The following EN2 variants were observed in gnomAD, a reference collection of about 807,000 sequenced individuals.
The protein encoded by EN2 is homeobox protein engrailed-2.
In EN2, 7 loss-of-function variants were observed where a neutral mutation model predicts 25.0. The observed-to-expected ratio is 0.28, with a 90% CI of 0.16 to 0.53. The LOEUF is 0.53. EN2 is among the 20% of genes least tolerant of loss of function. EN2 has a pLI of 0.96. For missense variants in EN2, 524 were observed against 501.8 expected (o/e 1.04, Z -0.42); for synonymous variants, 277 against 243.3 (o/e 1.14, Z -1.29).
Position 155,458,510 on chromosome 7 carries a change from C to G in EN2, c.133C>G (p.Arg45Gly). 7.5e-7 allele frequency: 1 copy of G among 1,329,070 alleles called. No individual in the cohort carries two copies. The highest frequency in any genetic ancestry group is 9.6e-7 in the Non-Finnish European group (1 of 1,038,524). 82.3% of individuals were successfully genotyped at this position (1,329,070 alleles called of 1,614,324 possible). ...CCCGGGCGAAGCGGACACCGGGCGC[C>G]GGCGGGCTCTGATGCTGCCCGCGGT... ...SSPGEADTGR[R>G]RALMLPAVLQ... The change falls in exon 1 of 2, where the codon CGG becomes GGG. Residue 45 changes from arginine to glycine, a missense_variant. Transcript: ENST00000297375.
At position 155,462,445 on chromosome 7, in the gene EN2, G is replaced by C; in HGVS notation, c.760G>C (p.Glu254Gln). 1.2e-6 allele frequency: 2 copies of C among 1,614,100 alleles called. No individual in the cohort carries two copies. Among genetic ancestry groups the C allele is most frequent in the Non-Finnish European group, 1.7e-6 (2 of 1,180,044 alleles). ...DKRPRTAFTA[E>Q]QLQRLKAEFQ... ...GCGGCCGCGCACGGCCTTTACCGCCGAGCAGCTGCAGAGGCTCAAGGCCGA... is the reference window on the plus strand; with the variant it reads ...GCGGCCGCGCACGGCCTTTACCGCCCAGCAGCTGCAGAGGCTCAAGGCCGA... Residue 254 changes from glutamate (E) to glutamine (Q), a missense_variant, in exon 2 of 2, where the codon GAG becomes CAG. Coordinates refer to ENST00000297375, the MANE Select transcript of EN2 (RefSeq NM_001427.4).
intron 1 of EN2, 108 bp downstream of exon 1, chr7:155,459,170 C>A: frequency 8.4e-7 from 1 of 1,185,346 alleles, no homozygotes. Context: ...TCGAACCTCC[C>A]CCGCGCACAC....
At chr7:155,459,224 G>A (rs943621435) in intron 1 of EN2, among the ~76,000 whole-genome samples, 162 bp downstream of exon 1, 1 of 152,228 alleles carries the variant, frequency 6.6e-6, no homozygotes, top group African/African-American at 2.4e-5. Context: ...ACGCCGGCCC[G>A]GGCAGCGGCC....
In EN2 at chr7:155,462,672, G is replaced by C. The variant is rs374787499; in HGVS notation, c.987G>C (p.Lys329Asn). 2.3e-5 allele frequency: 37 copies of C among 1,587,208 alleles called. No homozygotes were observed. The African/African-American group carries it at 4.4e-4, about 19-fold the overall frequency. Residue 329 changes from lysine (K) to asparagine (N), a missense_variant, in exon 2 of 2, where the codon AAG becomes AAC. Physicochemically the swap from Lys to Asn is moderately conservative, Grantham distance 94 (BLOSUM62 0). Transcript: ENST00000297375. ...ACTCCACCACAGCCAAGGAGGGCAA[G>C]TCGGACAGCGAGTAGGGCGGGGGGC... ...YNHSTTAKEG[K>N]SDSE
At position 155,462,696 on chromosome 7, in the gene EN2, G is replaced by A. The variant is rs907322589; in HGVS notation, c.*9G>A. 14 of 1,561,282 alleles carry A rather than the reference G, an allele frequency of 9.0e-6. No homozygotes were observed. The highest frequency in any genetic ancestry group is 2.4e-5 in the East Asian group (1 of 41,900). On this transcript the variant is annotated 3_prime_UTR_variant, in exon 2 of 2. Transcript: ENST00000297375. ...AGTCGGACAGCGAGTAGGGCGGGGG[G>A]CATGGAGGCCAGGTCTCAGTCCGCG... is the stretch of plus-strand genomic sequence containing the variant.
At chr7:155,462,003 G>T (rs902803614) in intron 1 of EN2, among the ~76,000 whole-genome samples, 3 of 152,212 alleles carry the variant, frequency 2.0e-5, no homozygotes, top group Middle Eastern at 3.4e-3. Context: ...AGCACCTACC[G>T]CCATCCCTGT....
In EN2 at chr7:155,459,001, G is replaced by T. The variant is rs1438476651; in HGVS notation, c.624G>T (p.Ala208=). The T allele has an allele frequency of 4.5e-6, 7 of 1,565,278 alleles. No homozygotes were observed. Among genetic ancestry groups the T allele is most frequent in the Admixed American group, 1.8e-5 (1 of 56,456 alleles). ...CGCAAGCCGGCGCCAACCTGGGCGC[G>T]CAGCCCATGCTCTGGCCGGCGTGGG... The part of the protein sequence containing the change: ...DSSQAGANLG[A]QPMLWPAWVY... Residue 208 remains alanine, a synonymous_variant, in exon 1 of 2, where the codon GCG becomes GCT. Transcript: ENST00000297375.
chr7:155,459,036 C>T lies in EN2; in HGVS notation c.659C>T (p.Thr220Met). 1 of 1,581,668 alleles carries T rather than the reference C, an allele frequency of 6.3e-7. No individual in the cohort carries two copies. Among genetic ancestry groups the T allele is most frequent in the African/African-American group, 1.4e-5 (1 of 73,182 alleles). Residue 220 changes from threonine to methionine, a missense_variant, in exon 1 of 2, where the codon ACG (threonine) becomes ATG (methionine). Transcript: ENST00000297375. ...CTCTGGCCGGCGTGGGTCTACTGTA[C>T]GCGCTACTCGGACCGGCCTTCTTCA... ...PMLWPAWVYC[T>M]RYSDRPSSGP...
At chr7:155,459,218 C>T (rs1795667488) in intron 1 of EN2, among the ~76,000 whole-genome samples, 156 bp downstream of exon 1, 1 of 152,216 alleles carries the variant, frequency 6.6e-6, no homozygotes, top group Non-Finnish European at 1.5e-5. Flanking sequence ...AAGCTGACGC[C>T]GGCCCGGGCA....
rs1795736475 is a variant in EN2 at position 155,464,450 on chromosome 7, C to G, written c.*1763C>G. 1 of 152,614 alleles carries G rather than the reference C, an allele frequency of 6.6e-6. No homozygotes were observed. The highest frequency in any genetic ancestry group is 2.4e-5 in the African/African-American group (1 of 41,440). 9.5% of individuals were successfully genotyped at this position (152,614 alleles called of 1,614,324 possible). A position where few individuals can be genotyped will look rare whatever the true frequency, so the allele number is the denominator to read the frequency against. On this transcript the variant is annotated 3_prime_UTR_variant, in exon 2 of 2. Coordinates refer to ENST00000297375, the MANE Select transcript of EN2 (RefSeq NM_001427.4). ...GGTGAACTTCGCTCTTTGCCTTAAA[C>G]CTCTTTATTTCATTGCAGTAATAGT... is the stretch of plus-strand genomic sequence containing the variant.
intron 1 of EN2, among the ~76,000 whole-genome samples, chr7:155,460,428 G>A (rs368302584): frequency 1.3e-5 from 2 of 152,222 alleles, no homozygotes; most frequent in African/African-American, 4.8e-5. Context: ...CCGAAAGAAA[G>A]GGGAGAGAGA....
rs1224734210 is a variant in EN2, at chr7:155,458,511, G to T, written c.134G>T (p.Arg45Leu). The stretch of plus-strand genomic sequence containing the variant: ...CCGGGCGAAGCGGACACCGGGCGCC[G>T]GCGGGCTCTGATGCTGCCCGCGGTC... The part of the protein sequence containing the change: ...SSPGEADTGR[R>L]RALMLPAVLQ... The change falls in exon 1 of 2, where the codon CGG becomes CTG. Residue 45 changes from arginine (R) to leucine (L), a missense_variant. By Grantham distance (102) the Arg-to-Leu change is moderately radical. Coordinates refer to ENST00000297375, the MANE Select transcript of EN2 (RefSeq NM_001427.4). The T allele has an allele frequency of 1.2e-5, 16 of 1,329,430 alleles. No homozygotes were observed. The highest frequency in any genetic ancestry group is 1.5e-5 in the Non-Finnish European group (16 of 1,038,750). 82.4% of individuals were successfully genotyped at this position (1,329,430 alleles called of 1,614,324 possible). A position where few individuals can be genotyped will look rare whatever the true frequency, so the allele number is the denominator to read the frequency against.
Position 155,463,323 on chromosome 7 carries a change from G to C in EN2, c.*636G>C, listed in dbSNP as rs938842027. 1 of 152,682 alleles carries C rather than the reference G, an allele frequency of 6.5e-6. No homozygotes were observed. The highest frequency in any genetic ancestry group is 2.1e-4 in the South Asian group (1 of 4,824). 9.5% of individuals were successfully genotyped at this position (152,682 alleles called of 1,614,324 possible). A position where few individuals can be genotyped will look rare whatever the true frequency, so the allele number is the denominator to read the frequency against. On this transcript the variant is annotated 3_prime_UTR_variant, in exon 2 of 2. Coordinates refer to ENST00000297375, the MANE Select transcript of EN2 (RefSeq NM_001427.4). The stretch of plus-strand genomic sequence containing the variant: ...TACCCCAGGCCTGCTCTGGGAAGTC[G>C]GCTCCATGCTCACCAGCAGCCGCCC...
Position 155,463,680 on chromosome 7 carries a change from T to C in EN2, c.*993T>C, listed in dbSNP as rs4716597. ...AGGTTCTGGGGCTAAAGGCCTGGGG[T>C]GTGTGGCCTAAAGCCCAAGAGCGGT... On this transcript the variant is annotated 3_prime_UTR_variant, in exon 2 of 2. Coordinates refer to ENST00000297375, the MANE Select transcript of EN2 (RefSeq NM_001427.4). 0.32 allele frequency: 48,835 copies of C among 151,858 alleles called. 9,057 individuals carry two copies. Among genetic ancestry groups the C allele is most frequent in the East Asian group, 0.64 (3,281 of 5,110 alleles). The allele number at this position is 151,858 out of a possible 1,614,324, so 9.4% of individuals were successfully genotyped here.
chr7:155,462,787 T>A lies in EN2; in HGVS notation c.*100T>A. On this transcript the variant is annotated 3_prime_UTR_variant, in exon 2 of 2. Transcript: ENST00000297375. ...ATAAAGATTATACCAGCATTAATAG[T>A]GAAAATATTGTGTATTAGCTAAGGT... 1 of 1,322,240 alleles carries A rather than the reference T, an allele frequency of 7.6e-7. No homozygotes were observed. Among genetic ancestry groups the A allele is most frequent in the Non-Finnish European group, 1.0e-6 (1 of 990,550 alleles). 81.9% of individuals were successfully genotyped at this position (1,322,240 alleles called of 1,614,324 possible).
chr7:155,462,929 T>G lies in EN2; in HGVS notation c.*242T>G, dbSNP rs1795713586. Reference sequence around the variant, plus strand: ...GAGATTATGCTAATTTTATGGGTTTTTTTCTTTTTTGCGAAGGGGGCTGCT... The same window carrying G: ...GAGATTATGCTAATTTTATGGGTTTGTTTCTTTTTTGCGAAGGGGGCTGCT... On this transcript the variant is annotated 3_prime_UTR_variant, in exon 2 of 2. Transcript: ENST00000297375. 1 of 427,904 alleles carries G rather than the reference T, an allele frequency of 2.3e-6. No individual in the cohort carries two copies. 26.5% of individuals were successfully genotyped at this position (427,904 alleles called of 1,614,324 possible). A position where few individuals can be genotyped will look rare whatever the true frequency, so the allele number is the denominator to read the frequency against.
chr7:155,459,334 C>T (rs2116599715), intron 1 of EN2, among the ~76,000 whole-genome samples: 1 of 152,342 alleles, frequency 6.6e-6, no homozygotes, highest in African/African-American at 2.4e-5. Flanking sequence ...TCCTTCCTCT[C>T]TCCCTGTCTC....
In EN2 at chr7:155,458,345, C is replaced by A. The variant is rs761281646; in HGVS notation, c.-33C>A. On this transcript the variant is annotated 5_prime_UTR_variant, in exon 1 of 2. Transcript: ENST00000297375. ...GAAGGCTGATTTGGAAGGGCGTCCC[C>A]GGAGAACCAGTGTGGGATTTACTGT... 5 of 1,282,910 alleles carry A rather than the reference C, an allele frequency of 3.9e-6. No individual in the cohort carries two copies. Among genetic ancestry groups the A allele is most frequent in the South Asian group, 3.6e-5 (1 of 27,542 alleles). 79.5% of individuals were successfully genotyped at this position (1,282,910 alleles called of 1,614,324 possible). A position where few individuals can be genotyped will look rare whatever the true frequency, so the allele number is the denominator to read the frequency against.
Position 155,459,057 on chromosome 7 carries a change from C to T in EN2, c.680C>T (p.Ser227Phe). The change falls in exon 1 of 2, where the codon TCT becomes TTT. Residue 227 changes from serine (S) to phenylalanine (F), a missense_variant. Coordinates refer to ENST00000297375, the MANE Select transcript of EN2 (RefSeq NM_001427.4). ...TGTACGCGCTACTCGGACCGGCCTTCTTCAGGTGAGCCCGCGGGGACCACG... is the reference window on the plus strand; with the variant it reads ...TGTACGCGCTACTCGGACCGGCCTTTTTCAGGTGAGCCCGCGGGGACCACG... ...VYCTRYSDRP[S>F]SGPRSRKPKK... 6.3e-7 allele frequency: 1 copy of T among 1,576,770 alleles called. No homozygotes were observed. Among genetic ancestry groups the T allele is most frequent in the Non-Finnish European group, 8.5e-7 (1 of 1,170,514 alleles).
Sources: allele counts gnomAD v4.1 joint callset (sites outside exome capture counted in the v4.1 genomes callset), GRCh38; gene constraint gnomAD v4.1.1; transcripts MANE v1.5; gene names NCBI Gene and HGNC (gene_info 2026-07-23, HGNC 2026-07-21).